PMEPA1: variants seen among roughly 807,000 people sequenced by gnomAD.
The protein encoded by PMEPA1 is prostate transmembrane protein, androgen induced 1, also known as protein TMEPAI.
Under a neutral mutation model 23.0 loss-of-function variants are expected in PMEPA1, and 11 were observed. The ratio of observed to expected loss-of-function variants is 0.48; its 90% CI spans 0.30 to 0.79. PMEPA1 has a LOEUF of 0.79. Among genes scored for constraint, PMEPA1 ranks in the 30% least tolerant of loss-of-function variants. PMEPA1 has a pLI of 0.06. For synonymous variants in PMEPA1, 204 were observed against 166.4 expected, an observed-to-expected ratio of 1.23 and a Z score of -1.74; for missense variants, 377 against 390.9, an observed-to-expected ratio of 0.96 and a Z score of 0.30.
intron 1 of PMEPA1, among the ~76,000 whole-genome samples, chr20:57,675,263 T>G (rs1460164921): frequency 6.6e-6 from 1 of 152,086 alleles, no homozygotes; most frequent in Non-Finnish European, 1.5e-5. Context: ...CTGTTCTCAC[T>G]AGTCACAAGA....
At chr20:57,699,190 T>A (rs1458322505) in intron 1 of PMEPA1, among the ~76,000 whole-genome samples, 1 of 152,174 alleles carries the variant, frequency 6.6e-6, no homozygotes, top group Non-Finnish European at 1.5e-5. Flanking sequence ...GTTGCCCACA[T>A]CAAGGATGTG....
At position 57,652,323 on chromosome 20, in the gene PMEPA1, A is replaced by G. The variant is rs2071253491; in HGVS notation, c.594T>C (p.Asp198=). Residue 198 remains aspartate, a synonymous_variant, in exon 4 of 4, where the codon GAT becomes GAC. Coordinates refer to ENST00000341744, the MANE Select transcript of PMEPA1 (RefSeq NM_020182.5). The surrounding 1 kb of genome is among the most constrained non-coding windows in gnomAD (Gnocchi z 6.1). The part of the protein sequence containing the change: ...NRTIFDSDLM[D]SARLGGPCPP... ...GGCAGGGGCCGCCCAGCCTGGCACT[A>G]TCCATCAGGTCACTGTCGAAGATGG... 2 of 1,612,238 alleles carry G rather than the reference A, an allele frequency of 1.2e-6. No homozygotes were observed. Among genetic ancestry groups the G allele is most frequent in the East Asian group, 4.5e-5 (2 of 44,824 alleles).
intron 1 of PMEPA1, among the ~76,000 whole-genome samples, chr20:57,674,850 T>C (rs556196533): frequency 1.3e-3 from 196 of 152,352 alleles, no homozygotes; most frequent in African/African-American, 4.5e-3. Context: ...AATTCTACTG[T>C]GATCTGTCCT....
rs1276189088 is a variant in PMEPA1, at chr20:57,704,163, C to T, written c.109+5311G>A. ...CAGGAGTTTTATGTCAAAATCTAACCATTCGGCTGCCCTGGAACGGAAAGA... is the reference window on the plus strand; with the variant it reads ...CAGGAGTTTTATGTCAAAATCTAACTATTCGGCTGCCCTGGAACGGAAAGA... On this transcript the variant is annotated intron_variant, in intron 1 of 3. Transcript: ENST00000341744. This position sits in a 1 kb window ranked among gnomAD's most constrained non-coding sequence, Gnocchi z 4.6. Among the ~76,000 whole-genome samples the T allele has an allele frequency of 2.0e-5, 3 of 152,172 alleles. No homozygotes were observed. The highest frequency in any genetic ancestry group is 7.2e-5 in the African/African-American group (3 of 41,418).
intron 1 of PMEPA1, among the ~76,000 whole-genome samples, chr20:57,698,910 C>A (rs188369038): frequency 6.6e-6 from 1 of 152,288 alleles, no homozygotes; most frequent in East Asian, 1.9e-4. Context: ...GAGAGTCTCC[C>A]TTCTCTGGGA....
intron 1 of PMEPA1, among the ~76,000 whole-genome samples, chr20:57,688,133 T>C (rs1049851263): frequency 6.6e-6 from 1 of 152,196 alleles, no homozygotes; most frequent in African/African-American, 2.4e-5. Flanking sequence ...TCCACCAGCT[T>C]TGAATTCCCC....
intron 1 of PMEPA1, among the ~76,000 whole-genome samples, chr20:57,660,763 C>CCACACACAACACCCCAACACTCCTA (rs2071406396): frequency 1.5e-5 from 2 of 136,832 alleles, no homozygotes; most frequent in Admixed American, 7.2e-5. Flanking sequence ...CAACACTCCT[C>CCACACACAACACCCCAACACTCCTA]CACACACAAC....
At chr20:57,696,387 C>T (rs780929441) in intron 1 of PMEPA1, among the ~76,000 whole-genome samples, 1 of 152,192 alleles carries the variant, frequency 6.6e-6, no homozygotes, top group Non-Finnish European at 1.5e-5. Flanking sequence ...CAAAGGGTCC[C>T]GCTTCTCTGT....
intron 1 of PMEPA1, among the ~76,000 whole-genome samples, chr20:57,666,841 A>G (rs749175964): frequency 1.1e-3 from 165 of 152,292 alleles, no homozygotes; most frequent in Non-Finnish European, 1.4e-3. Context: ...CCTCACCACG[A>G]AAGACTTCAC....
chr20:57,656,286 C>T lies in PMEPA1; in HGVS notation c.265-3200G>A, dbSNP rs972371364. On this transcript the variant is annotated intron_variant, in intron 2 of 3. Transcript: ENST00000341744. The surrounding 1 kb of genome is among the most constrained non-coding windows in gnomAD (Gnocchi z 4.7). ...GTGGACGCTAGGTCTTTGGCTCCCGCTGCTGGCAGATTGTCGCACATTGGC... is the reference window on the plus strand; with the variant it reads ...GTGGACGCTAGGTCTTTGGCTCCCGTTGCTGGCAGATTGTCGCACATTGGC... Among the ~76,000 whole-genome samples the T allele has an allele frequency of 7.3e-5, 11 of 151,332 alleles. No homozygotes were observed. The highest frequency in any genetic ancestry group is 1.5e-4 in the Non-Finnish European group (10 of 67,694).
In PMEPA1 at chr20:57,670,571, C is replaced by T. The variant is rs543835408; in HGVS notation, c.110-10874G>A. On this transcript the variant is annotated intron_variant, in intron 1 of 3. Transcript: ENST00000341744. Reference sequence around the variant, plus strand: ...CGCATGCACACCTGCAATGCCCCGTCGGCCTTGGTCTTCCCCTTCCAGGCT... The same window carrying T: ...CGCATGCACACCTGCAATGCCCCGTTGGCCTTGGTCTTCCCCTTCCAGGCT... Among the ~76,000 whole-genome samples the T allele has an allele frequency of 5.3e-4, 81 of 152,316 alleles. 1 individual carries two copies. Among genetic ancestry groups the T allele is most frequent in the African/African-American group, 1.8e-3 (76 of 41,564 alleles).
rs78693021 is a variant in PMEPA1 at position 57,676,456 on chromosome 20, C to T, written c.110-16759G>A. Among the ~76,000 whole-genome samples, 124 of 152,290 alleles carry T rather than the reference C, an allele frequency of 8.1e-4. 1 individual carries two copies. In the East Asian group the frequency reaches 0.022, roughly 27 times the overall value. On this transcript the variant is annotated intron_variant, in intron 1 of 3. Coordinates refer to ENST00000341744, the MANE Select transcript of PMEPA1 (RefSeq NM_020182.5). ...GCTGACCGGGCAAGCATGGTGAATG[C>T]GTCAAGGATGTCAGGCGCACGTTTA... is the stretch of plus-strand genomic sequence containing the variant.
Position 57,684,266 on chromosome 20 carries a change from G to A in PMEPA1, c.110-24569C>T, listed in dbSNP as rs561080871. On this transcript the variant is annotated intron_variant, in intron 1 of 3. Transcript: ENST00000341744. The stretch of plus-strand genomic sequence containing the variant: ...CAATGGTAATGACAATAGTTTTCAC[G>A]GGTGGGGGTCGGGGAGTTAGGGGTC... Among the ~76,000 whole-genome samples the A allele has an allele frequency of 5.9e-5, 9 of 152,242 alleles. No individual in the cohort carries two copies. The East Asian group carries it at 1.4e-3, about 23-fold the overall frequency.
chr20:57,683,867 G>A lies in PMEPA1; in HGVS notation c.110-24170C>T, dbSNP rs563182606. Among the ~76,000 whole-genome samples, 218 of 152,102 alleles carry A rather than the reference G, an allele frequency of 1.4e-3. No individual in the cohort carries two copies. The highest frequency in any genetic ancestry group is 4.6e-3 in the African/African-American group (190 of 41,502). ...CACAAAGTCCATCATAAACCCATGC[G>A]GGGCACAATGGGAGTAGCTGCTCAA... On this transcript the variant is annotated intron_variant, in intron 1 of 3. Transcript: ENST00000341744. The surrounding 1 kb of genome is among the most constrained non-coding windows in gnomAD (Gnocchi z 4.3).
At chr20:57,662,078 A>G (rs2071429130) in intron 1 of PMEPA1, among the ~76,000 whole-genome samples, 1 of 152,034 alleles carries the variant, frequency 6.6e-6, no homozygotes, top group South Asian at 2.1e-4. Flanking sequence ...TCAGCGCGCC[A>G]TTGTCTACAC....
chr20:57,669,937 C>T (rs6025714), intron 1 of PMEPA1, among the ~76,000 whole-genome samples: 22,367 of 152,062 alleles, frequency 0.15, 1,824 homozygotes, highest in African/African-American at 0.22. Context: ...GCTCCCATAA[C>T]GAGGCTTCCC....
intron 1 of PMEPA1, among the ~76,000 whole-genome samples, chr20:57,702,672 C>T (rs1322319396): frequency 1.3e-5 from 2 of 152,122 alleles, no homozygotes; most frequent in Non-Finnish European, 2.9e-5. Flanking sequence ...CGTTTGAATC[C>T]CAATGGAGCA....
chr20:57,664,359 A>T (rs1243858719), intron 1 of PMEPA1, among the ~76,000 whole-genome samples: 1 of 152,220 alleles, frequency 6.6e-6, no homozygotes, highest in South Asian at 2.1e-4. Context: ...GAGTTCATCA[A>T]GCATGGGCTC....
At chr20:57,658,572 A>G (rs2071359870) in intron 2 of PMEPA1, among the ~76,000 whole-genome samples, 1 of 152,100 alleles carries the variant, frequency 6.6e-6, no homozygotes, top group Non-Finnish European at 1.5e-5. Flanking sequence ...TAATGACCAG[A>G]CCCGTGCTCT....
Sources: gnomAD v4.1 joint callset for allele counts (sites outside exome capture counted in the v4.1 genomes callset) on GRCh38, gnomAD v4.1.1 for gene constraint, Gnocchi (gnomAD v3.1) non-coding constraint, MANE v1.5 for transcripts, NCBI Gene and HGNC (gene_info 2026-07-23, HGNC 2026-07-21) for gene names.